The following TOPBP1 variants were observed in gnomAD, a reference collection of about 807,000 sequenced individuals.
The protein encoded by TOPBP1 is DNA topoisomerase 2-binding protein 1.
TOPBP1 carries 28 observed loss-of-function variants against 167.7 expected under a neutral mutation model. The ratio of observed to expected loss-of-function variants is 0.17; its 90% CI spans 0.12 to 0.23. The LOEUF (loss-of-function observed/expected upper bound fraction) is 0.23. Ranked by LOEUF, TOPBP1 falls within the 10% of genes least tolerant of loss-of-function variation. The pLI is 1.00. For missense variants in TOPBP1, 1,554 were observed against 1,809.6 expected (o/e 0.86, Z 2.56); for synonymous variants, 598 against 611.4 (o/e 0.98, Z 0.32).
intron 23 of TOPBP1, among the ~76,000 whole-genome samples, 188 bp from the exon 24 acceptor site, chr3:133,612,740 T>C (rs1934722624): frequency 1.3e-5 from 2 of 151,840 alleles, no homozygotes; most frequent in South Asian, 2.1e-4. Context: ...ATGTTTATTA[T>C]GAACATTTTA....
intron 14 of TOPBP1, 104 bp downstream of exon 14, chr3:133,637,772 C>A: frequency 7.9e-7 from 1 of 1,260,438 alleles, no homozygotes; most frequent in Non-Finnish European, 1.1e-6. Flanking sequence ...GCCAATGTCT[C>A]TGGAAAATTT....
chr3:133,641,720 T>C (rs988819739), intron 12 of TOPBP1, among the ~76,000 whole-genome samples: 1 of 152,226 alleles, frequency 6.6e-6, no homozygotes, highest in Non-Finnish European at 1.5e-5. Context: ...TGCATGACTT[T>C]CCTGCTGAGT....
chr3:133,636,080 T>A (rs1576300938), intron 14 of TOPBP1, among the ~76,000 whole-genome samples: 1 of 11,238 alleles, frequency 8.9e-5, no homozygotes, highest in Non-Finnish European at 2.3e-4. Flanking sequence ...AAAACTATAG[T>A]TATTAGAAGT....
rs754682842 is a variant in TOPBP1, at chr3:133,624,027, T to TG, written c.2928+24dup. On this transcript the variant is annotated intron_variant, in intron 17 of 27. Transcript: ENST00000260810. ...TGTATACATTTTCAATTAACAGAGA[T>TG]GGGGGGGAAAAAAGCACTGCTTACA... The TG allele has an allele frequency of 2.6e-5, 41 of 1,601,836 alleles. No individual in the cohort carries two copies. In the South Asian group the frequency reaches 2.6e-4, roughly 10 times the overall value.
At chr3:133,657,610 C>A (rs1221150642) in intron 4 of TOPBP1, among the ~76,000 whole-genome samples, 188 bp downstream of exon 4, 1 of 152,068 alleles carries the variant, frequency 6.6e-6, no homozygotes, top group Non-Finnish European at 1.5e-5. Flanking sequence ...AAAACAAATT[C>A]TACTATATTC....
intron 14 of TOPBP1, among the ~76,000 whole-genome samples, chr3:133,637,402 T>C (rs1935713539): frequency 6.6e-6 from 1 of 152,192 alleles, no homozygotes; most frequent in South Asian, 2.1e-4. Flanking sequence ...CTCATGTCTT[T>C]ACAGGAAACA....
Position 133,620,160 on chromosome 3 carries a change from T to C in TOPBP1, c.3366A>G (p.Ala1122=), listed in dbSNP as rs768318039. ...ARSGRSRVLE[A]LRQSRQTVPD... is the part of the protein sequence containing the mutation. ...CATCAGTGACAGGTACACACCTCAG[T>C]GCCTCTAGGACTCTACTTCGTCCAC... Residue 1122 remains alanine, a synonymous_variant, in exon 20 of 28, where the codon GCA becomes GCG. Coordinates refer to ENST00000260810, the MANE Select transcript of TOPBP1 (RefSeq NM_007027.4). 6.2e-7 allele frequency: 1 copy of C among 1,611,814 alleles called. No individual in the cohort carries two copies. The highest frequency in any genetic ancestry group is 1.1e-5 in the South Asian group (1 of 90,682).
chr3:133,625,351 A>G (rs1208727273), intron 16 of TOPBP1, among the ~76,000 whole-genome samples: 2 of 152,230 alleles, frequency 1.3e-5, no homozygotes, highest in African/African-American at 4.8e-5. Context: ...AATCACCAAA[A>G]TAAACAGAAT....
chr3:133,615,821 G>A (rs986255506), intron 23 of TOPBP1, among the ~76,000 whole-genome samples: 2 of 151,958 alleles, frequency 1.3e-5, no homozygotes, highest in Non-Finnish European at 2.9e-5. Context: ...TTGCCAGGCT[G>A]GTCTTGAATT....
At chr3:133,622,656 T>A (rs1205989441) in intron 19 of TOPBP1, among the ~76,000 whole-genome samples, 2 of 152,126 alleles carry the variant, frequency 1.3e-5, no homozygotes, top group African/African-American at 4.8e-5. Flanking sequence ...TAAAACCATG[T>A]GGATATGTTA....
At chr3:133,622,269 C>A (rs1576290303) in intron 19 of TOPBP1, among the ~76,000 whole-genome samples, 1 of 150,384 alleles carries the variant, frequency 6.6e-6, no homozygotes, top group South Asian at 2.1e-4. Flanking sequence ...CGGCTCACCG[C>A]AACCTCCGCC....
chr3:133,650,155 T>C (rs1936235297), intron 8 of TOPBP1, among the ~76,000 whole-genome samples: 1 of 152,182 alleles, frequency 6.6e-6, no homozygotes, highest in East Asian at 1.9e-4. Flanking sequence ...GCATTATCTT[T>C]CACAGTAGAT....
At chr3:133,601,502 A>C in intron 27 of TOPBP1, 109 bp from the exon 28 acceptor site, 1 of 903,908 alleles carries the variant, frequency 1.1e-6, no homozygotes, top group East Asian at 3.0e-5. Context: ...AATCTGACAA[A>C]CTTAAAGGAA....
At chr3:133,620,038 G>C in intron 20 of TOPBP1, 117 bp downstream of exon 20, 1 of 1,135,406 alleles carries the variant, frequency 8.8e-7, no homozygotes, top group Non-Finnish European at 1.2e-6. Flanking sequence ...GCATATTGGG[G>C]AAAAAAAGAA....
chr3:133,638,201 T>G, intron 13 of TOPBP1, 39 bp from the exon 14 acceptor site: 1 of 1,574,690 alleles, frequency 6.4e-7, no homozygotes, highest in Middle Eastern at 1.7e-4. Flanking sequence ...TATGAGCCAC[T>G]AATGCCCACT....
Position 133,616,808 on chromosome 3 carries a change from T to C in TOPBP1, c.3871+6A>G. 2 of 1,476,008 alleles carry C rather than the reference T, an allele frequency of 1.4e-6. No individual in the cohort carries two copies. Among genetic ancestry groups the C allele is most frequent in the Non-Finnish European group, 1.8e-6 (2 of 1,106,978 alleles). 91.4% of individuals were successfully genotyped at this position (1,476,008 alleles called of 1,614,324 possible). ...GACATTTTGGATTTAAGTAAAATAC[T>C]GGTACCTAGTTTCTCAATCAGATGA... On this transcript the variant is annotated splice_donor_region_variant and intron_variant, in intron 23 of 27. Coordinates refer to ENST00000260810, the MANE Select transcript of TOPBP1 (RefSeq NM_007027.4).
chr3:133,638,230 A>G, intron 13 of TOPBP1, 68 bp from the exon 14 acceptor site: 2 of 1,439,142 alleles, frequency 1.4e-6, no homozygotes, highest in South Asian at 1.3e-5. Flanking sequence ...GTACACAAGA[A>G]GTAATATTTT....
Position 133,646,622 on chromosome 3 carries a change from T to C in TOPBP1, c.1505-2259A>G, listed in dbSNP as rs946185132. Among the ~76,000 whole-genome samples, 5 of 146,820 alleles carry C rather than the reference T, an allele frequency of 3.4e-5. No individual in the cohort carries two copies. The Admixed American group carries it at 3.4e-4, about 10-fold the overall frequency. On this transcript the variant is annotated intron_variant, in intron 10 of 27. Transcript: ENST00000260810. ...TCCAAGCTTGTGACACTACACTCCATCCTCAGTGATGGAGTGAGACCCTGT... is the reference window on the plus strand; with the variant it reads ...TCCAAGCTTGTGACACTACACTCCACCCTCAGTGATGGAGTGAGACCCTGT...
intron 12 of TOPBP1, among the ~76,000 whole-genome samples, chr3:133,640,894 T>C (rs373325828): frequency 1.2e-4 from 19 of 152,226 alleles, no homozygotes; most frequent in Middle Eastern, 3.4e-3. Context: ...AGTATAGACA[T>C]GGGAAAAAAT....
Sources: allele counts gnomAD v4.1 joint callset (sites outside exome capture counted in the v4.1 genomes callset), GRCh38; gene constraint gnomAD v4.1.1; transcripts MANE v1.5; gene names NCBI Gene and HGNC (gene_info 2026-07-23, HGNC 2026-07-21).